CMTM2: variants seen among roughly 807,000 people sequenced by gnomAD.
The protein encoded by CMTM2 is CKLF like MARVEL transmembrane domain containing 2, also known as CKLF-like MARVEL transmembrane domain-containing protein 2.
A neutral mutation model predicts 16.8 loss-of-function variants in CMTM2; 15 were observed. That is an observed-to-expected ratio of 0.89 (90% CI 0.60 to 1.37). The LOEUF (loss-of-function observed/expected upper bound fraction) is 1.37, where lower values mean the gene tolerates loss of function less well. Ranked by LOEUF, CMTM2 falls within the 40% of genes most tolerant of loss-of-function variation. The pLI, the probability that CMTM2 is intolerant of heterozygous loss-of-function variation, is 0.00. For synonymous variants in CMTM2, 117 were observed against 118.7 expected (o/e 0.99, Z 0.09); for missense variants, 282 against 318.0 (o/e 0.89, Z 0.86).
intron 2 of CMTM2, among the ~76,000 whole-genome samples, chr16:66,585,999 C>T (rs1029877885): frequency 6.6e-6 from 1 of 152,134 alleles, no homozygotes; most frequent in African/African-American, 2.4e-5. Context: ...CTGCTATGGC[C>T]ATGGTTTGGC....
chr16:66,587,559 AG>A (rs1597193081), intron 3 of CMTM2, among the ~76,000 whole-genome samples: 1 of 151,914 alleles, frequency 6.6e-6, no homozygotes, highest in East Asian at 1.9e-4. Flanking sequence ...TTCGTCTCAA[AG>A]GAAAAAAAAA....
chr16:66,579,511 TG>T lies in CMTM2; in HGVS notation c.-95del. On this transcript the variant is annotated 5_prime_UTR_variant, in exon 1 of 4. Coordinates refer to ENST00000268595, the MANE Select transcript of CMTM2 (RefSeq NM_144673.3). This position sits in a 1 kb window ranked among gnomAD's most constrained non-coding sequence, Gnocchi z 6.5. The stretch of plus-strand genomic sequence containing the variant: ...TGAGCACGCCCTCTGAGCCGCTCGG[TG>T]GACACCAGGCACTCTAGTAGGCCTG... 1.3e-6 allele frequency: 2 copies of T among 1,488,444 alleles called. No individual in the cohort carries two copies. The highest frequency in any genetic ancestry group is 1.8e-6 in the Non-Finnish European group (2 of 1,099,256). The allele number at this position is 1,488,444 out of a possible 1,614,324, so 92.2% of individuals were successfully genotyped here.
intron 2 of CMTM2, among the ~76,000 whole-genome samples, chr16:66,584,396 CAT>C (rs950956835): frequency 3.3e-5 from 5 of 152,166 alleles, no homozygotes; most frequent in Non-Finnish European, 7.3e-5. Context: ...CACACACACA[CAT>C]GCACACACAT....
In CMTM2 at chr16:66,587,981, C is replaced by A. The variant is rs779144103; in HGVS notation, c.609C>A (p.Phe203Leu). The change falls in exon 4 of 4, where the codon TTC (phenylalanine) becomes TTA (leucine). Residue 203 changes from phenylalanine to leucine, a missense_variant. Phe to Leu is a conservative substitution (Grantham distance 22). Transcript: ENST00000268595. ...ATGTGTGTCTTCAAAGAAACCACTT[C>A]AGAGGCAAGAAGGCCAAAAAGCATA... ...FIDVCLQRNHFRGKKAKKHML... is the reference protein window; with the variant it reads ...FIDVCLQRNHLRGKKAKKHML... 1 of 1,614,162 alleles carries A rather than the reference C, an allele frequency of 6.2e-7. No homozygotes were observed. Among genetic ancestry groups the A allele is most frequent in the Non-Finnish European group, 8.5e-7 (1 of 1,180,042 alleles).
Position 66,587,922 on chromosome 16 carries a change from C to T in CMTM2, c.550C>T (p.Leu184Phe). Residue 184 changes from leucine to phenylalanine, a missense_variant, in exon 4 of 4, where the codon CTT (leucine) becomes TTT (phenylalanine). Physicochemically the swap from Leu to Phe is conservative, Grantham distance 22. Coordinates refer to ENST00000268595, the MANE Select transcript of CMTM2 (RefSeq NM_144673.3). Reference protein sequence around the residue: ...MNLHYLLAVILIGAAGVFAFI... With the variant: ...MNLHYLLAVIFIGAAGVFAFI... The stretch of plus-strand genomic sequence containing the variant: ...TGAGGACCGTTTTGTTTTCCAGATC[C>T]TTATTGGTGCGGCTGGAGTTTTTGC... 6 of 1,614,088 alleles carry T rather than the reference C, an allele frequency of 3.7e-6. No individual in the cohort carries two copies. Among genetic ancestry groups the T allele is most frequent in the Non-Finnish European group, 5.1e-6 (6 of 1,180,018 alleles).
At chr16:66,586,793 A>G in intron 2 of CMTM2, 1 of 564,566 alleles carries the variant, frequency 1.8e-6, no homozygotes, top group South Asian at 2.2e-5. Flanking sequence ...AGCATCCTGG[A>G]CTTTTTAGGT....
chr16:66,587,924 T>C lies in CMTM2; in HGVS notation c.552T>C (p.Leu184=). The C allele has an allele frequency of 1.2e-6, 2 of 1,614,156 alleles. No homozygotes were observed. The highest frequency in any genetic ancestry group is 4.5e-5 in the East Asian group (2 of 44,882). The part of the protein sequence containing the change: ...MNLHYLLAVI[L]IGAAGVFAFI... Reference sequence around the variant, plus strand: ...AGGACCGTTTTGTTTTCCAGATCCTTATTGGTGCGGCTGGAGTTTTTGCTT... The same window carrying C: ...AGGACCGTTTTGTTTTCCAGATCCTCATTGGTGCGGCTGGAGTTTTTGCTT... The change falls in exon 4 of 4, where the codon CTT becomes CTC. Residue 184 remains leucine (L), a synonymous_variant. Coordinates refer to ENST00000268595, the MANE Select transcript of CMTM2 (RefSeq NM_144673.3).
At chr16:66,581,037 A>G (rs1238227346) in intron 2 of CMTM2, among the ~76,000 whole-genome samples, 1 of 152,182 alleles carries the variant, frequency 6.6e-6, no homozygotes, top group African/African-American at 2.4e-5. Context: ...AAATTGGCCT[A>G]GAATGGCCAA....
Position 66,579,805 on chromosome 16 carries a change from G to A in CMTM2, c.198G>A (p.Arg66=). The A allele has an allele frequency of 5.0e-6, 8 of 1,613,836 alleles. No homozygotes were observed. Among genetic ancestry groups the A allele is most frequent in the Non-Finnish European group, 5.9e-6 (7 of 1,180,012 alleles). Residue 66 remains arginine (R), a synonymous_variant, in exon 1 of 4, where the codon AGG becomes AGA. Coordinates refer to ENST00000268595, the MANE Select transcript of CMTM2 (RefSeq NM_144673.3). This position sits in a 1 kb window ranked among gnomAD's most constrained non-coding sequence, Gnocchi z 6.5. ...CCAAGCACGAAGTGGGCACGAGGAG[G>A]GGGTGTCGCCGCTACCGGTGGGAAT... is the stretch of plus-strand genomic sequence containing the variant. ...VQPKHEVGTR[R]GCRRYRWELK... is the part of the protein sequence containing the mutation.
At position 66,579,859 on chromosome 16, in the gene CMTM2, C is replaced by T. The variant is rs1205158779; in HGVS notation, c.252C>T (p.Leu84=). The change falls in exon 1 of 4, where the codon CTC becomes CTT. Residue 84 remains leucine, a synonymous_variant. Transcript: ENST00000268595. This position sits in a 1 kb window ranked among gnomAD's most constrained non-coding sequence, Gnocchi z 6.5. The part of the protein sequence containing the change: ...ELKDSNKEFW[L]LGHAEIKIRS... ...AAGACAGCAATAAAGAGTTCTGGCT[C>T]TTGGGGCACGCTGAGATCAAGATTC... 2.5e-6 allele frequency: 4 copies of T among 1,594,346 alleles called. No homozygotes were observed. The highest frequency in any genetic ancestry group is 3.4e-6 in the Non-Finnish European group (4 of 1,167,828).
chr16:66,587,522 A>C (rs1473002238), intron 3 of CMTM2, among the ~76,000 whole-genome samples: 2 of 151,566 alleles, frequency 1.3e-5, no homozygotes, highest in African/African-American at 4.9e-5. Flanking sequence ...GCAGCACTGC[A>C]CTCCACCCCG....
intron 2 of CMTM2, 61 bp from the exon 3 acceptor site, chr16:66,586,936 G>A: frequency 9.0e-7 from 1 of 1,106,364 alleles, no homozygotes; most frequent in South Asian, 1.2e-5. Context: ...TAGCCAGGGT[G>A]CAGTGTTTGT....
chr16:66,582,726 A>G (rs1244393112), intron 2 of CMTM2, among the ~76,000 whole-genome samples: 2 of 151,812 alleles, frequency 1.3e-5, no homozygotes, highest in African/African-American at 4.8e-5. Context: ...AGGTGTCAAG[A>G]AGCCAGGCAC....
At chr16:66,580,449 C>T in intron 2 of CMTM2, 1 of 465,952 alleles carries the variant, frequency 2.1e-6, no homozygotes, top group Non-Finnish European at 3.9e-6. Flanking sequence ...GGGCCTGAGC[C>T]TTTGTTCTCT....
chr16:66,581,166 G>A (rs1381213706), intron 2 of CMTM2, among the ~76,000 whole-genome samples: 7 of 151,830 alleles, frequency 4.6e-5, no homozygotes, highest in Admixed American at 3.9e-4. Context: ...GGGATCCAGA[G>A]GTCTTGGTGA....
intron 2 of CMTM2, among the ~76,000 whole-genome samples, chr16:66,583,276 G>C (rs2014755440): frequency 6.6e-6 from 1 of 152,142 alleles, no homozygotes; most frequent in Non-Finnish European, 1.5e-5. Context: ...TGGACCACTT[G>C]AGGCCAGGAG....
chr16:66,587,016 T>C lies in CMTM2; in HGVS notation c.464T>C (p.Ile155Thr), dbSNP rs767732267. Residue 155 changes from isoleucine (I) to threonine (T), a missense_variant, in exon 3 of 4, where the codon ATT (isoleucine) becomes ACT (threonine). Physicochemically the swap from Ile to Thr is moderately conservative, Grantham distance 89. Coordinates refer to ENST00000268595, the MANE Select transcript of CMTM2 (RefSeq NM_144673.3). ...WPISDLFNDLIACAFLVGAVV... is the reference protein window; with the variant it reads ...WPISDLFNDLTACAFLVGAVV... ...CTTCAGGACCTCTTCAACGACCTGA[T>C]TGCTTGTGCGTTCCTTGTGGGAGCC... is the stretch of plus-strand genomic sequence containing the variant. The C allele has an allele frequency of 4.3e-6, 7 of 1,613,968 alleles. No individual in the cohort carries two copies. The highest frequency in any genetic ancestry group is 4.5e-5 in the East Asian group (2 of 44,876).
intron 2 of CMTM2, chr16:66,580,398 G>A: frequency 1.7e-6 from 1 of 575,088 alleles, no homozygotes; most frequent in Non-Finnish European, 3.1e-6. Flanking sequence ...CTGTGTGTTG[G>A]AGTGAGAGTG....
At chr16:66,586,561 C>T (rs935334060) in intron 2 of CMTM2, among the ~76,000 whole-genome samples, 2 of 152,162 alleles carry the variant, frequency 1.3e-5, no homozygotes, top group African/African-American at 4.8e-5. Flanking sequence ...GTGGGAGAAT[C>T]ACCTGAGCCT....
Sources: gnomAD v4.1 joint callset for allele counts (sites outside exome capture counted in the v4.1 genomes callset) on GRCh38, gnomAD v4.1.1 for gene constraint, Gnocchi (gnomAD v3.1) non-coding constraint, MANE v1.5 for transcripts, NCBI Gene and HGNC (gene_info 2026-07-23, HGNC 2026-07-21) for gene names.